PRELID2: variants seen among roughly 807,000 people sequenced by gnomAD.
PRELID2 encodes PRELI domain containing 2, also known as PRELI domain-containing protein 2.
PRELID2 carries 25 observed loss-of-function variants against 28.4 expected under a neutral mutation model. The observed-to-expected ratio is 0.88, with a 90% CI of 0.64 to 1.23. The LOEUF (loss-of-function observed/expected upper bound fraction) is 1.23. Ranked by LOEUF, PRELID2 falls within the 50% of genes most tolerant of loss-of-function variation. The pLI is 0.00. For missense variants in PRELID2, 201 were observed against 214.4 expected, an observed-to-expected ratio of 0.94 and a Z score of 0.39; for synonymous variants, 76 against 71.6, an observed-to-expected ratio of 1.06 and a Z score of -0.31.
chr5:145,666,899 T>C (rs1754606355), intron 1 of PRELID2, among the ~76,000 whole-genome samples: 1 of 152,074 alleles, frequency 6.6e-6, no homozygotes. Context: ...TCAGAACTGA[T>C]GCAATCATTA....
intron 1 of PRELID2, among the ~76,000 whole-genome samples, chr5:145,537,040 G>C (rs1347190406): frequency 1.3e-5 from 2 of 151,852 alleles, no homozygotes; most frequent in Non-Finnish European, 2.9e-5. Flanking sequence ...AAAACAAAGA[G>C]AAGTTTAAAA....
At chr5:145,726,600 A>G (rs1158117860) in intron 1 of PRELID2, among the ~76,000 whole-genome samples, 2 of 152,222 alleles carry the variant, frequency 1.3e-5, no homozygotes, top group Non-Finnish European at 2.9e-5. Context: ...CACTGGCACT[A>G]TTTTTAGGAC....
chr5:145,424,598 C>T, the PRELID2 span, among the ~76,000 whole-genome samples: 495 of 152,272 alleles, frequency 3.3e-3, 4 homozygotes, highest in African/African-American at 0.011. Flanking sequence ...CTTCGGCTCG[C>T]GCACGGTGCG....
the PRELID2 span, among the ~76,000 whole-genome samples, chr5:145,262,360 G>A: frequency 6.6e-6 from 1 of 151,964 alleles, no homozygotes; most frequent in Non-Finnish European, 1.5e-5. Flanking sequence ...ATCACAAAAA[G>A]ATCATTGCCT....
chr5:145,312,070 G>A, the PRELID2 span, among the ~76,000 whole-genome samples: 4 of 151,898 alleles, frequency 2.6e-5, no homozygotes, highest in African/African-American at 4.8e-5. Flanking sequence ...TTAGTACCAG[G>A]TGCATTGACT....
chr5:145,458,181 T>A, the PRELID2 span, among the ~76,000 whole-genome samples: 4 of 152,172 alleles, frequency 2.6e-5, no homozygotes, highest in Non-Finnish European at 5.9e-5. Flanking sequence ...ATACAAAAAA[T>A]TTTCTAATCA....
chr5:145,499,768 C>G (rs1245245156), intron 1 of PRELID2, among the ~76,000 whole-genome samples: 1 of 152,156 alleles, frequency 6.6e-6, no homozygotes, highest in Non-Finnish European at 1.5e-5. Context: ...ACCCCTGACC[C>G]CGAAATGAAA....
intron 1 of PRELID2, among the ~76,000 whole-genome samples, chr5:145,494,515 G>A (rs1752292663): frequency 1.3e-5 from 2 of 152,054 alleles, no homozygotes; most frequent in African/African-American, 4.8e-5. Flanking sequence ...TGCAAATCTT[G>A]ACAAGATCAC....
chr5:145,404,913 G>T, the PRELID2 span, among the ~76,000 whole-genome samples: 29 of 152,238 alleles, frequency 1.9e-4, no homozygotes, highest in African/African-American at 5.1e-4. Context: ...ATTGGCTCTG[G>T]GGGGATACAG....
chr5:145,261,442 C>G, the PRELID2 span, among the ~76,000 whole-genome samples: 1 of 152,180 alleles, frequency 6.6e-6, no homozygotes, highest in Non-Finnish European at 1.5e-5. Context: ...CCCCCACTAC[C>G]TCCACTGAAG....
intron 1 of PRELID2, among the ~76,000 whole-genome samples, chr5:145,519,700 A>T (rs1209727905): frequency 6.6e-6 from 1 of 151,758 alleles, no homozygotes; most frequent in African/African-American, 2.4e-5. Context: ...AGGACCTATT[A>T]AAAAGCTCAA....
At chr5:145,733,740 G>A (rs1756414714) in intron 1 of PRELID2, among the ~76,000 whole-genome samples, 1 of 152,172 alleles carries the variant, frequency 6.6e-6, no homozygotes, top group African/African-American at 2.4e-5. Flanking sequence ...AATATCCTCT[G>A]TCTCCTCTCA....
chr5:145,483,687 A>G (rs1752187082), intron 1 of PRELID2, among the ~76,000 whole-genome samples: 1 of 152,188 alleles, frequency 6.6e-6, no homozygotes, highest in East Asian at 1.9e-4. Context: ...TTGAAAACCT[A>G]TGTCCTTCAA....
At chr5:145,372,479 C>CT in the PRELID2 span, among the ~76,000 whole-genome samples, 1 of 151,992 alleles carries the variant, frequency 6.6e-6, no homozygotes, top group Non-Finnish European at 1.5e-5. Context: ...GTGTGGGAGT[C>CT]TAAGTCTCTT....
At chr5:145,827,776 G>A (rs1023731412) in intron 1 of PRELID2, among the ~76,000 whole-genome samples, 7 of 152,172 alleles carry the variant, frequency 4.6e-5, no homozygotes, top group African/African-American at 1.4e-4. Context: ...GTCCGGAAAT[G>A]CAAGGAAAGA....
intron 1 of PRELID2, among the ~76,000 whole-genome samples, chr5:145,600,434 A>AAAAATATATAT (rs1315631607): frequency 5.1e-4 from 61 of 120,088 alleles, no homozygotes; most frequent in African/African-American, 2.2e-3. Flanking sequence ...AAAAAAAAAA[A>AAAAATATATAT]ATATATATAT....
intron 1 of PRELID2, among the ~76,000 whole-genome samples, chr5:145,556,411 T>A (rs1752880675): frequency 6.6e-6 from 1 of 152,092 alleles, no homozygotes; most frequent in African/African-American, 2.4e-5. Flanking sequence ...ATCTCTCACA[T>A]CCAATATCAC....
chr5:145,824,832 T>A (rs1755070997), intron 1 of PRELID2, among the ~76,000 whole-genome samples: 1 of 152,078 alleles, frequency 6.6e-6, no homozygotes, highest in African/African-American at 2.4e-5. Flanking sequence ...CATTCACACT[T>A]CCATCCTGGA....
rs924215808 is a variant in PRELID2 at position 145,749,627 on chromosome 5, G to A, written n.70+15304C>T. Among the ~76,000 whole-genome samples, 5 of 152,146 alleles carry A rather than the reference G, an allele frequency of 3.3e-5. No homozygotes were observed. The South Asian group carries it at 1.0e-3, about 32-fold the overall frequency. ...TCCCATTACTGGGTATATACCCTAA[G>A]GAATATAAATCATTCTACTATAAAG... On this transcript the variant is annotated intron_variant and non_coding_transcript_variant, in intron 1 of 2. Coordinates refer to the PRELID2 transcript ENST00000510259.
Sources: allele counts gnomAD v4.1 joint callset (sites outside exome capture counted in the v4.1 genomes callset), GRCh38; gene constraint gnomAD v4.1.1; transcripts MANE v1.5; gene names NCBI Gene and HGNC (gene_info 2026-07-23, HGNC 2026-07-21).